Variants in ATF6 observed in about 807,000 individuals in gnomAD.
ATF6 encodes the protein activating transcription factor 6, also known as cyclic AMP-dependent transcription factor ATF-6 alpha.
ATF6 carries 53 observed loss-of-function variants against 83.6 expected under a neutral mutation model. The observed-to-expected ratio is 0.63, with a 90% CI of 0.51 to 0.80. The LOEUF is 0.80. Among genes scored for constraint, ATF6 ranks in the 30% least tolerant of loss-of-function variants. The pLI is 0.00. For synonymous variants in ATF6, 288 were observed against 285.8 expected (o/e 1.01, Z -0.08); for missense variants, 744 against 797.9 (o/e 0.93, Z 0.81).
intron 14 of ATF6, among the ~76,000 whole-genome samples, chr1:161,870,852 G>A (rs1687108677): frequency 6.6e-6 from 1 of 151,684 alleles, no homozygotes; most frequent in African/African-American, 2.4e-5. Context: ...TCAGAATGGT[G>A]GGCAGATCCA....
At chr1:161,947,248 C>A (rs1688764432) in intron 15 of ATF6, among the ~76,000 whole-genome samples, 1 of 152,120 alleles carries the variant, frequency 6.6e-6, no homozygotes, top group Admixed American at 6.6e-5. Context: ...AGCCAAGGAG[C>A]AAGGTGTGGG....
chr1:161,901,842 A>G (rs552717251), intron 14 of ATF6, among the ~76,000 whole-genome samples: 33 of 152,278 alleles, frequency 2.2e-4, no homozygotes, highest in South Asian at 1.2e-3. Flanking sequence ...CCATTGATCT[A>G]TCTTGCAGTT....
intron 9 of ATF6, among the ~76,000 whole-genome samples, chr1:161,844,564 A>G (rs1345937037): frequency 1.3e-5 from 2 of 152,184 alleles, no homozygotes; most frequent in East Asian, 1.9e-4. Context: ...GAACATTAGT[A>G]TATGGATATT....
chr1:161,890,423 T>G (rs1363746914), intron 14 of ATF6, among the ~76,000 whole-genome samples: 1 of 152,198 alleles, frequency 6.6e-6, no homozygotes, highest in African/African-American at 2.4e-5. Context: ...GGAGACCCCA[T>G]TTGGTGAGGT....
intron 14 of ATF6, among the ~76,000 whole-genome samples, chr1:161,876,167 G>C (rs2101852981): frequency 6.6e-6 from 1 of 151,902 alleles, no homozygotes; most frequent in South Asian, 2.1e-4. Context: ...TCCTATAAAA[G>C]GTCTTTGTTG....
At chr1:161,778,423 A>G (rs1684569434) in intron 2 of ATF6, 103 bp downstream of exon 2, 1 of 820,586 alleles carries the variant, frequency 1.2e-6, no homozygotes, top group Non-Finnish European at 2.0e-6. Flanking sequence ...TTTAAGTTAC[A>G]TACTTAATGG....
intron 7 of ATF6, among the ~76,000 whole-genome samples, chr1:161,810,549 A>T (rs1196894184): frequency 6.6e-6 from 1 of 151,908 alleles, no homozygotes; most frequent in Non-Finnish European, 1.5e-5. Flanking sequence ...CATCCCTCAT[A>T]TAGTTGTTAG....
At chr1:161,843,725 C>T (rs1553444) in intron 9 of ATF6, among the ~76,000 whole-genome samples, 136,801 of 152,190 alleles carry the variant, frequency 0.9, 61,655 homozygotes, top group African/African-American at 0.96. Context: ...GAAATTTTGA[C>T]CTAGGTGGTA....
intron 6 of ATF6, among the ~76,000 whole-genome samples, chr1:161,792,833 C>T (rs957100692): frequency 1.3e-5 from 2 of 152,068 alleles, no homozygotes; most frequent in African/African-American, 4.8e-5. Context: ...TTGTGTGTTT[C>T]GTATTTTATC....
At chr1:161,890,670 GCGGATTGGC>G (rs1687531922) in intron 14 of ATF6, among the ~76,000 whole-genome samples, 1 of 152,226 alleles carries the variant, frequency 6.6e-6, no homozygotes, top group African/African-American at 2.4e-5. Context: ...CGATGCTCTA[GCGGATTGGC>G]CCCAAACCTC....
intron 10 of ATF6, among the ~76,000 whole-genome samples, chr1:161,850,798 T>C (rs1385997250): frequency 1.3e-5 from 2 of 152,176 alleles, no homozygotes; most frequent in Non-Finnish European, 2.9e-5. Context: ...GATCATCCTA[T>C]ATAAAGAAAT....
chr1:161,920,294 C>CTCTCTTTTTTTTTTTTTTTTTTTTTTTTT (rs1157916734), intron 15 of ATF6, among the ~76,000 whole-genome samples: 1 of 54,846 alleles, frequency 1.8e-5, no homozygotes, highest in African/African-American at 7.4e-5. Flanking sequence ...CTCTCTCTCT[C>CTCTCTTTTTTTTTTTTTTTTTTTTTTTTT]TTTTTTTTTT....
At chr1:161,820,238 T>A (rs1685719893) in intron 8 of ATF6, among the ~76,000 whole-genome samples, 1 of 152,248 alleles carries the variant, frequency 6.6e-6, no homozygotes, top group Non-Finnish European at 1.5e-5. Flanking sequence ...GGTTTTAATC[T>A]CCTCAGTTCT....
At chr1:161,794,002 G>A (rs1684947772) in intron 6 of ATF6, among the ~76,000 whole-genome samples, 1 of 152,138 alleles carries the variant, frequency 6.6e-6, no homozygotes, top group Non-Finnish European at 1.5e-5. Flanking sequence ...CACCTCCTGG[G>A]TTCAAGTGAT....
intron 9 of ATF6, among the ~76,000 whole-genome samples, chr1:161,822,352 AAG>A (rs1685785394): frequency 1.3e-5 from 2 of 152,142 alleles, no homozygotes; most frequent in Admixed American, 1.3e-4. Flanking sequence ...CCAAAGTAAA[AAG>A]AGCTTCAAGC....
chr1:161,806,995 C>T (rs527768866), intron 7 of ATF6, among the ~76,000 whole-genome samples: 89 of 152,150 alleles, frequency 5.8e-4, no homozygotes, highest in African/African-American at 2.1e-3. Flanking sequence ...GGAACATGAG[C>T]TTGGAGAATC....
chr1:161,855,273 G>A (rs1171331260), intron 12 of ATF6, among the ~76,000 whole-genome samples: 3 of 152,160 alleles, frequency 2.0e-5, no homozygotes, highest in African/African-American at 4.8e-5. Context: ...TGTGGTAGTC[G>A]TGAAGGTGGC....
At chr1:161,846,214 C>T (rs1686482995) in intron 9 of ATF6, among the ~76,000 whole-genome samples, 3 of 152,090 alleles carry the variant, frequency 2.0e-5, no homozygotes. Context: ...ATTGTTTAAA[C>T]AGTTTATAAA....
chr1:161,781,981 A>T lies in ATF6; in HGVS notation c.229A>T (p.Asn77Tyr). The T allele has an allele frequency of 6.2e-7, 1 of 1,608,336 alleles. No individual in the cohort carries two copies. The highest frequency in any genetic ancestry group is 8.5e-7 in the Non-Finnish European group (1 of 1,176,056). ...TTGGGAGTCAGACATTTGGGACATCAACAACCAAATCTGTACAGGTAATTA... is the reference window on the plus strand; with the variant it reads ...TTGGGAGTCAGACATTTGGGACATCTACAACCAAATCTGTACAGGTAATTA... ...MPWESDIWDINNQICTVKDIK... is the reference protein window; with the variant it reads ...MPWESDIWDIYNQICTVKDIK... Residue 77 changes from asparagine (N) to tyrosine (Y), a missense_variant, in exon 3 of 16, where the codon AAC becomes TAC. Asn to Tyr is a moderately radical substitution (Grantham distance 143). Transcript: ENST00000367942.
Sources: gnomAD v4.1 joint callset for allele counts (sites outside exome capture counted in the v4.1 genomes callset) on GRCh38, gnomAD v4.1.1 for gene constraint, MANE v1.5 for transcripts, NCBI Gene and HGNC (gene_info 2026-07-23, HGNC 2026-07-21) for gene names.